The following SLC12A4 variants were observed in gnomAD, a reference collection of about 807,000 sequenced individuals.
SLC12A4 encodes electroneutral potassium-chloride cotransporter 1.
A neutral mutation model predicts 119.2 loss-of-function variants in SLC12A4; 84 were observed. That is an observed-to-expected ratio of 0.70 (90% CI 0.59 to 0.85). SLC12A4 has a LOEUF of 0.85. Ranked by LOEUF, SLC12A4 falls within the 40% of genes least tolerant of loss-of-function variation. The pLI, the probability that SLC12A4 is intolerant of heterozygous loss-of-function variation, is 0.00. For missense variants in SLC12A4, 1,298 were observed against 1,476.3 expected, an observed-to-expected ratio of 0.88 and a Z score of 1.98; for synonymous variants, 599 against 604.6, an observed-to-expected ratio of 0.99 and a Z score of 0.14.
Position 67,946,535 on chromosome 16 carries a change from G to C in SLC12A4, c.2340C>G (p.Ser780=), listed in dbSNP as rs373359705. 26 of 1,611,320 alleles carry C rather than the reference G, an allele frequency of 1.6e-5. No homozygotes were observed. The African/African-American group carries it at 3.2e-4, about 20-fold the overall frequency. The change falls in exon 18 of 24, where the codon TCC becomes TCG. Residue 780 remains serine (S), a synonymous_variant. Coordinates refer to ENST00000316341, the MANE Select transcript of SLC12A4 (RefSeq NM_005072.5). ...TATGCCGCATGCCTCCCAGGCCACA[G>C]GACTGGATGAGGTGGGCCAGCCCCT... ...VREGLAHLIQ[S]CGLGGMRHNS...
chr16:67,950,581 A>G lies in SLC12A4; in HGVS notation c.1454+73T>C. On this transcript the variant is annotated intron_variant, in intron 11 of 23. Transcript: ENST00000316341. The surrounding 1 kb of genome is among the most constrained non-coding windows in gnomAD (Gnocchi z 4.3). ...GCAGCCAGCAGGCTTAGGACCACCCACGGGGTTGGGAGCTGGTGTGAGGGC... is the reference window on the plus strand; with the variant it reads ...GCAGCCAGCAGGCTTAGGACCACCCGCGGGGTTGGGAGCTGGTGTGAGGGC... 6.2e-7 allele frequency: 1 copy of G among 1,608,280 alleles called. No homozygotes were observed. The highest frequency in any genetic ancestry group is 8.5e-7 in the Non-Finnish European group (1 of 1,176,854).
At chr16:67,965,961 TAC>T (rs940706305) in intron 1 of SLC12A4, among the ~76,000 whole-genome samples, 9 of 152,208 alleles carry the variant, frequency 5.9e-5, no homozygotes, top group Non-Finnish European at 1.3e-4. Flanking sequence ...CCGTTCCTAC[TAC>T]AGACTCCAGT....
Position 67,945,522 on chromosome 16 carries a change from A to G in SLC12A4, c.2879T>C (p.Leu960Pro). ...AQLVKDRHSA[L>P]RLESLYSDEE... ...GTCCGAGTACAGGCTCTCCAGCCGCAGGGCCGAGTGCCGATCCTTGACCAG... is the reference window on the plus strand; with the variant it reads ...GTCCGAGTACAGGCTCTCCAGCCGCGGGGCCGAGTGCCGATCCTTGACCAG... The change falls in exon 22 of 24, where the codon CTG (leucine) becomes CCG (proline). Residue 960 changes from leucine (L) to proline (P), a missense_variant. By Grantham distance (98) the Leu-to-Pro change is moderately conservative. Transcript: ENST00000316341. 1 of 1,613,936 alleles carries G rather than the reference A, an allele frequency of 6.2e-7. No homozygotes were observed. Among genetic ancestry groups the G allele is most frequent in the Non-Finnish European group, 8.5e-7 (1 of 1,179,968 alleles).
rs750154872 is a variant in SLC12A4, at chr16:67,947,382, C to T, written c.2021G>A (p.Arg674His). The change falls in exon 16 of 24, where the codon CGC becomes CAC. Residue 674 changes from arginine to histidine, a missense_variant. Transcript: ENST00000316341. ...GIRGLSLSAA[R>H]YALLRLEEGP... Reference sequence around the variant, plus strand: ...CTCCTCCAGCCGCAACAGCGCGTAGCGGGCAGCGCTCAGGGACAGGCCTCG... The same window carrying T: ...CTCCTCCAGCCGCAACAGCGCGTAGTGGGCAGCGCTCAGGGACAGGCCTCG... The T allele has an allele frequency of 6.2e-6, 10 of 1,612,710 alleles. No individual in the cohort carries two copies. The highest frequency in any genetic ancestry group is 1.7e-5 in the Admixed American group (1 of 59,988).
In SLC12A4 at chr16:67,952,347, G is replaced by C. The variant is rs770620661; in HGVS notation, c.754C>G (p.Arg252Gly). 6 of 1,613,966 alleles carry C rather than the reference G, an allele frequency of 3.7e-6. No homozygotes were observed. In the African/African-American group the frequency reaches 4.0e-5, roughly 11 times the overall value. The change falls in exon 7 of 24, where the codon CGT (arginine) becomes GGT (glycine). Residue 252 changes from arginine (R) to glycine (G), a missense_variant. Coordinates refer to ENST00000316341, the MANE Select transcript of SLC12A4 (RefSeq NM_005072.5). The part of the protein sequence containing the change: ...DTSNATLNNM[R>G]VYGTIFLTFM... ...GTCAGGAAAATGGTCCCATACACAC[G>C]CATATTGTTCAAAGTGGCATTCGAC...
At position 67,948,085 on chromosome 16, in the gene SLC12A4, C is replaced by G. The variant is rs781090815; in HGVS notation, c.1823G>C (p.Arg608Pro). The G allele has an allele frequency of 1.2e-6, 2 of 1,613,158 alleles. No homozygotes were observed. Among genetic ancestry groups the G allele is most frequent in the Non-Finnish European group, 1.7e-6 (2 of 1,179,946 alleles). ...CCAGTGATAGTACTTGAACCGGGGC[C>G]GCCAGTTGGGGGTCCTCAGGAGTGT... is the stretch of plus-strand genomic sequence containing the variant. ...VQTLLRTPNW[R>P]PRFKYYHWAL... The change falls in exon 14 of 24, where the codon CGG becomes CCG. Residue 608 changes from arginine (R) to proline (P), a missense_variant. By Grantham distance (103) the Arg-to-Pro change is moderately radical (BLOSUM62 -2). Transcript: ENST00000316341.
At position 67,946,459 on chromosome 16, in the gene SLC12A4, G is replaced by A. The variant is rs372127326; in HGVS notation, c.2416C>T (p.Arg806Cys). The change falls in exon 18 of 24, where the codon CGT becomes TGT. Residue 806 changes from arginine (R) to cysteine (C), a missense_variant. By Grantham distance (180) the Arg-to-Cys change is radical. Coordinates refer to ENST00000316341, the MANE Select transcript of SLC12A4 (RefSeq NM_005072.5). ...PYGWRQSEDPRAWKTFIDTVR... is the reference protein window; with the variant it reads ...PYGWRQSEDPCAWKTFIDTVR... ...ACACCAATGAAGGTCTTCCAGGCAC[G>A]GGGGTCCTCGCTCTGTCGCCAGCCG... The A allele has an allele frequency of 4.5e-5, 72 of 1,606,166 alleles. No individual in the cohort carries two copies. The East Asian group carries it at 9.8e-4, about 22-fold the overall frequency.
chr16:67,947,126 G>T lies in SLC12A4; in HGVS notation c.2073-21C>A, dbSNP rs776077011. ...GCGGCCTGCAGTGGCCGGGTGGGGGGAGCCTGAGACCAGGGCCGGCCGTTC... is the reference window on the plus strand; with the variant it reads ...GCGGCCTGCAGTGGCCGGGTGGGGGTAGCCTGAGACCAGGGCCGGCCGTTC... On this transcript the variant is annotated intron_variant, in intron 16 of 23. Coordinates refer to ENST00000316341, the MANE Select transcript of SLC12A4 (RefSeq NM_005072.5). 17 of 1,566,504 alleles carry T rather than the reference G, an allele frequency of 1.1e-5. 1 individual carries two copies. The South Asian group carries it at 1.4e-4, about 13-fold the overall frequency.
chr16:67,952,158 C>T, intron 7 of SLC12A4, 26 bp downstream of exon 7: 1 of 1,613,226 alleles, frequency 6.2e-7, no homozygotes, highest in Non-Finnish European at 8.5e-7. Flanking sequence ...CCATGCAATG[C>T]CCAGATAAAT....
At chr16:67,953,364 G>A (rs2030052727) in intron 6 of SLC12A4, among the ~76,000 whole-genome samples, 1 of 152,196 alleles carries the variant, frequency 6.6e-6, no homozygotes, top group African/African-American at 2.4e-5. Flanking sequence ...TCCAGCTTGG[G>A]CGACAGAGTG....
In SLC12A4 at chr16:67,947,344, T is replaced by G; in HGVS notation, c.2059A>C (p.Thr687Pro). 1.9e-6 allele frequency: 3 copies of G among 1,611,878 alleles called. No homozygotes were observed. The highest frequency in any genetic ancestry group is 2.5e-6 in the Non-Finnish European group (3 of 1,179,472). Residue 687 changes from threonine (T) to proline (P), a missense_variant, in exon 16 of 24, where the codon ACC (threonine) becomes CCC (proline). By Grantham distance (38) the Thr-to-Pro change is conservative (BLOSUM62 -1). Coordinates refer to ENST00000316341, the MANE Select transcript of SLC12A4 (RefSeq NM_005072.5). ...GCGGGAACTCACCGCCAGTTCTTGG[T>G]GTGAGGAGGCCCCTCCTCCAGCCGC... ...LLRLEEGPPH[T>P]KNWRPQLLVL...
rs770021197 is a variant in SLC12A4, at chr16:67,946,421, C to T, written c.2437+17G>A. ...CTCACTTCACCCCTGCCCACCAGGC[C>T]CCAGGCCTTCACACACCAATGAAGG... is the stretch of plus-strand genomic sequence containing the variant. On this transcript the variant is annotated intron_variant, in intron 18 of 23. Coordinates refer to ENST00000316341, the MANE Select transcript of SLC12A4 (RefSeq NM_005072.5). 1.9e-6 allele frequency: 3 copies of T among 1,603,706 alleles called. No individual in the cohort carries two copies. Among genetic ancestry groups the T allele is most frequent in the Admixed American group, 1.7e-5 (1 of 59,994 alleles).
chr16:67,968,281 G>A (rs1483393582), intron 1 of SLC12A4, among the ~76,000 whole-genome samples, 158 bp downstream of exon 1: 1 of 152,046 alleles, frequency 6.6e-6, no homozygotes, highest in African/African-American at 2.4e-5. Flanking sequence ...CGCGCGCAGG[G>A]CGGGGAGCCA....
In SLC12A4 at chr16:67,950,530, C is replaced by A. The variant is rs199677031; in HGVS notation, c.1455-37G>T. On this transcript the variant is annotated intron_variant, in intron 11 of 23. Coordinates refer to ENST00000316341, the MANE Select transcript of SLC12A4 (RefSeq NM_005072.5). The surrounding 1 kb of genome is among the most constrained non-coding windows in gnomAD (Gnocchi z 4.3). ...ACCAGAGTGAGGGATGTCAGGGGTC[C>A]GGAAGGATGGCACAGACCACCAAAG... 1.1e-5 allele frequency: 18 copies of A among 1,612,386 alleles called. No individual in the cohort carries two copies. Among genetic ancestry groups the A allele is most frequent in the Non-Finnish European group, 1.3e-5 (15 of 1,179,090 alleles).
chr16:67,947,147 C>G, intron 16 of SLC12A4, 42 bp from the exon 17 acceptor site: 1 of 1,545,854 alleles, frequency 6.5e-7, no homozygotes, highest in Non-Finnish European at 8.7e-7. Context: ...CAGGGCCGGC[C>G]GTTCTAGGGA....
rs1282287235 is a variant in SLC12A4, at chr16:67,946,460, G to A, written c.2415C>T (p.Pro805=). The part of the protein sequence containing the change: ...WPYGWRQSED[P]RAWKTFIDTV... ...CACCAATGAAGGTCTTCCAGGCACG[G>A]GGGTCCTCGCTCTGTCGCCAGCCGT... The change falls in exon 18 of 24, where the codon CCC becomes CCT. Residue 805 remains proline (P), a synonymous_variant. Coordinates refer to ENST00000316341, the MANE Select transcript of SLC12A4 (RefSeq NM_005072.5). The A allele has an allele frequency of 1.2e-6, 2 of 1,606,378 alleles. No homozygotes were observed. Among genetic ancestry groups the A allele is most frequent in the East Asian group, 2.2e-5 (1 of 44,884 alleles).
Position 67,950,147 on chromosome 16 carries a change from G to T in SLC12A4, c.1629+172C>A. 1.3e-6 allele frequency: 1 copy of T among 780,116 alleles called. No individual in the cohort carries two copies. The highest frequency in any genetic ancestry group is 2.0e-6 in the Non-Finnish European group (1 of 496,810). The allele number at this position is 780,116 out of a possible 1,614,324, so 48.3% of individuals were successfully genotyped here. On this transcript the variant is annotated intron_variant, in intron 12 of 23. Coordinates refer to ENST00000316341, the MANE Select transcript of SLC12A4 (RefSeq NM_005072.5). This position sits in a 1 kb window ranked among gnomAD's most constrained non-coding sequence, Gnocchi z 4.3. The stretch of plus-strand genomic sequence containing the variant: ...AGATTCTGGGTCCAGGCAGCTCCAG[G>T]CCCAGGTGAGTGCCAGGCCCAGGGC...
rs1462712743 is a variant in SLC12A4, at chr16:67,944,809, C to T, written c.*31G>A. 1.2e-6 allele frequency: 2 copies of T among 1,609,836 alleles called. No homozygotes were observed. Among genetic ancestry groups the T allele is most frequent in the African/African-American group, 1.3e-5 (1 of 74,836 alleles). On this transcript the variant is annotated 3_prime_UTR_variant, in exon 24 of 24. Transcript: ENST00000316341. This position sits in a 1 kb window ranked among gnomAD's most constrained non-coding sequence, Gnocchi z 6.6. ...CAGCTTGTTATGTCCTGGCCAAGAC[C>T]TCGACTCCAGGCCACAAGATGACAC...
At chr16:67,968,400 C>A in intron 1 of SLC12A4, 39 bp downstream of exon 1, 1 of 1,519,722 alleles carries the variant, frequency 6.6e-7, no homozygotes, top group South Asian at 1.2e-5. Context: ...GGTGGCAGGC[C>A]CCGCTGCCCC....
Sources: gnomAD v4.1 joint callset for allele counts (sites outside exome capture counted in the v4.1 genomes callset) on GRCh38, gnomAD v4.1.1 for gene constraint, Gnocchi (gnomAD v3.1) non-coding constraint, MANE v1.5 for transcripts, NCBI Gene and HGNC (gene_info 2026-07-23, HGNC 2026-07-21) for gene names.